Variants in KCNJ16 observed in about 807,000 individuals in gnomAD.
KCNJ16 encodes inward rectifier potassium channel 16.
Under a neutral mutation model 18.5 loss-of-function variants are expected in KCNJ16, and 15 were observed. The observed-to-expected ratio is 0.81, with a 90% CI of 0.54 to 1.25. The LOEUF (loss-of-function observed/expected upper bound fraction) is 1.25, where lower values mean the gene tolerates loss of function less well. KCNJ16 is among the 50% of genes most tolerant of loss of function. The probability of loss-of-function intolerance (pLI) is 0.00; values close to 1 mark genes in which losing one functional copy is unlikely to be tolerated. For missense variants in KCNJ16, 523 were observed against 525.7 expected, an observed-to-expected ratio of 0.99 and a Z score of 0.05; for synonymous variants, 174 against 186.5, an observed-to-expected ratio of 0.93 and a Z score of 0.55.
intron 2 of KCNJ16, chr17:70,101,246 A>G (rs1156694078): frequency 6.6e-6 from 1 of 152,186 alleles, no homozygotes; most frequent in Non-Finnish European, 1.5e-5. Context: ...ACTAAATGCC[A>G]TAACCACAGG....
At chr17:70,092,385 TCA>T (rs2143715770) in intron 1 of KCNJ16, among the ~76,000 whole-genome samples, 1 of 152,150 alleles carries the variant, frequency 6.6e-6, no homozygotes, top group East Asian at 1.9e-4. Context: ...AAAAACAAAC[TCA>T]GAGCATGAGT....
intron 1 of KCNJ16, among the ~76,000 whole-genome samples, chr17:70,099,801 T>C (rs1449230514): frequency 6.6e-6 from 1 of 152,214 alleles, no homozygotes; most frequent in East Asian, 1.9e-4. Flanking sequence ...AAAATCCTTA[T>C]TAAGCCTCAC....
chr17:70,087,687 A>G (rs1307038879), intron 1 of KCNJ16, among the ~76,000 whole-genome samples: 2 of 152,134 alleles, frequency 1.3e-5, no homozygotes, highest in Non-Finnish European at 2.9e-5. Flanking sequence ...AGCCTGGATG[A>G]CAGACTGAGA....
At chr17:70,131,603 T>A in intron 3 of KCNJ16, 1 of 402,590 alleles carries the variant, frequency 2.5e-6, no homozygotes, top group Non-Finnish European at 3.5e-6. Context: ...AGCTTATGAC[T>A]GCTAGACACA....
At chr17:70,081,744 G>C (rs139673694) in intron 1 of KCNJ16, among the ~76,000 whole-genome samples, 21 of 152,160 alleles carry the variant, frequency 1.4e-4, no homozygotes, top group Non-Finnish European at 2.8e-4. Context: ...AGAGTTAAGA[G>C]GTGAGAAGGA....
chr17:70,130,996 C>A (rs1223162248), intron 3 of KCNJ16, 21 bp downstream of exon 3: 2 of 1,534,214 alleles, frequency 1.3e-6, no homozygotes, highest in South Asian at 2.4e-5. Context: ...CATGTTCTGC[C>A]TTGATGTTTT....
At chr17:70,131,235 G>T in intron 3 of KCNJ16, 1 of 751,332 alleles carries the variant, frequency 1.3e-6, no homozygotes, top group African/African-American at 1.8e-5. Flanking sequence ...AAAAAAAAAG[G>T]ATGAATGTTA....
At chr17:70,122,959 T>C (rs1406074449) in intron 2 of KCNJ16, among the ~76,000 whole-genome samples, 1 of 152,210 alleles carries the variant, frequency 6.6e-6, no homozygotes, top group African/African-American at 2.4e-5. Context: ...CCAGTCATGA[T>C]CATCTCTTAC....
In KCNJ16 at chr17:70,091,464, C is replaced by G. The variant is rs1386974770; in HGVS notation, c.-299-9194C>G. 4.6e-5 allele frequency among the ~76,000 whole-genome samples: 7 copies of G among 152,212 alleles called. No individual in the cohort carries two copies. In the East Asian group the frequency reaches 1.2e-3, roughly 25 times the overall value. On this transcript the variant is annotated intron_variant, in intron 1 of 3. Coordinates refer to ENST00000392671, the MANE Select transcript of KCNJ16 (RefSeq NM_170741.4). ...TGGAATAGTACGCATTTACAGGGGT[C>G]AAAGAATCAAAATTTAGGCTTAGGA...
At chr17:70,120,910 A>C (rs925683147) in intron 2 of KCNJ16, among the ~76,000 whole-genome samples, 2 of 152,242 alleles carry the variant, frequency 1.3e-5, no homozygotes, top group African/African-American at 4.8e-5. Context: ...AGGAAAGAAA[A>C]GTGAATACTC....
At chr17:70,095,870 C>CTTTTTT (rs147216245) in intron 1 of KCNJ16, among the ~76,000 whole-genome samples, 2 of 95,390 alleles carry the variant, frequency 2.1e-5, no homozygotes, top group Non-Finnish European at 3.9e-5. Flanking sequence ...TTACTTAATC[C>CTTTTTT]TTTTTTTTTT....
At position 70,131,941 on chromosome 17, in the gene KCNJ16, T is replaced by C. The variant is rs1225810021; in HGVS notation, c.-93-54T>C. ...CTGCTCCAAATTTGGCAAATTGCTA[T>C]AAAGATGGACATTGAAAGCTAAAAA... On this transcript the variant is annotated intron_variant, in intron 3 of 3. Transcript: ENST00000392671. The C allele has an allele frequency of 2.7e-6, 4 of 1,489,834 alleles. No individual in the cohort carries two copies. In the African/African-American group the frequency reaches 4.2e-5, roughly 16 times the overall value. The allele number at this position is 1,489,834 out of a possible 1,614,324, so 92.3% of individuals were successfully genotyped here.
chr17:70,114,599 GA>G (rs1191174461), intron 2 of KCNJ16, among the ~76,000 whole-genome samples: 2 of 152,100 alleles, frequency 1.3e-5, no homozygotes, highest in African/African-American at 4.8e-5. Flanking sequence ...ATTCTGTTGA[GA>G]AACACAAAGC....
In KCNJ16 at chr17:70,133,619, G is replaced by A. The variant is rs966030481; in HGVS notation, c.*275G>A. ...ATTATCTTACATGCTTGTATCTTCA[G>A]TTGGAGGTGTAGTATTCAAAAACGG... On this transcript the variant is annotated 3_prime_UTR_variant, in exon 4 of 4. Transcript: ENST00000392671. 7 of 286,200 alleles carry A rather than the reference G, an allele frequency of 2.4e-5. No homozygotes were observed. The highest frequency in any genetic ancestry group is 4.2e-5 in the Non-Finnish European group (6 of 144,270). 17.7% of individuals were successfully genotyped at this position (286,200 alleles called of 1,614,324 possible).
intron 1 of KCNJ16, among the ~76,000 whole-genome samples, chr17:70,081,673 A>C (rs554437541): frequency 6.6e-6 from 1 of 151,958 alleles, no homozygotes; most frequent in East Asian, 1.9e-4. Flanking sequence ...TTGTGTATGG[A>C]ATTTGGTTGT....
intron 2 of KCNJ16, among the ~76,000 whole-genome samples, chr17:70,121,892 G>C (rs1332788753): frequency 6.6e-6 from 1 of 152,188 alleles, no homozygotes; most frequent in Non-Finnish European, 1.5e-5. Flanking sequence ...CTGTTAGGCA[G>C]AGGTTGCAGT....
chr17:70,084,753 T>C (rs8067556), intron 1 of KCNJ16, among the ~76,000 whole-genome samples: 2 of 152,264 alleles, frequency 1.3e-5, no homozygotes, highest in East Asian at 3.9e-4. Flanking sequence ...CCCGCTTTCA[T>C]ATAGCTTATC....
At chr17:70,108,063 G>A (rs947073469) in intron 2 of KCNJ16, among the ~76,000 whole-genome samples, 8 of 151,860 alleles carry the variant, frequency 5.3e-5, no homozygotes, top group Non-Finnish European at 4.4e-5. Context: ...GCAGATTCTA[G>A]CCCCGCCCTT....
intron 2 of KCNJ16, among the ~76,000 whole-genome samples, chr17:70,122,456 C>T (rs951775669): frequency 3.3e-5 from 5 of 152,110 alleles, no homozygotes; most frequent in South Asian, 2.1e-4. Context: ...GAATTACAGG[C>T]GTGAGTCACC....
Sources: gnomAD v4.1 joint callset for allele counts (sites outside exome capture counted in the v4.1 genomes callset) on GRCh38, gnomAD v4.1.1 for gene constraint, MANE v1.5 for transcripts, NCBI Gene and HGNC (gene_info 2026-07-23, HGNC 2026-07-21) for gene names.